Variants in CYP1A1 observed in about 807,000 individuals in gnomAD.
CYP1A1 encodes the protein cytochrome P450 1A1.
Under a neutral mutation model 33.6 loss-of-function variants are expected in CYP1A1, and 43 were observed. The observed-to-expected ratio is 1.28, with a 90% CI of 1.00 to 1.65. The LOEUF (loss-of-function observed/expected upper bound fraction) is 1.65, where lower values mean the gene tolerates loss of function less well. Ranked by LOEUF, CYP1A1 falls within the 40% of genes most tolerant of loss-of-function variation. The pLI is 0.00. For missense variants in CYP1A1, 637 were observed against 653.7 expected, an observed-to-expected ratio of 0.97 and a Z score of 0.28; for synonymous variants, 280 against 257.8, an observed-to-expected ratio of 1.09 and a Z score of -0.83.
At chr15:74,720,864 G>A in intron 6 of CYP1A1, 90 bp from the exon 7 acceptor site, 1 of 1,564,764 alleles carries the variant, frequency 6.4e-7, no homozygotes, top group Non-Finnish European at 8.7e-7. Context: ...TAGAGGACAG[G>A]CAAGCAGCCC....
rs1223464729 is a variant in CYP1A1 at position 74,722,378 on chromosome 15, A to G, written c.720T>C (p.Leu240=). 2 of 1,614,036 alleles carry G rather than the reference A, an allele frequency of 1.2e-6. No homozygotes were observed. Among genetic ancestry groups the G allele is most frequent in the Admixed American group, 3.3e-5 (2 of 59,990 alleles). ...SGNPADFIPI[L]RYLPNPSLNA... ...TCAGGGAAGGGTTGGGTAGGTAGCG[A>G]AGAATAGGGATGAAGTCAGCTGGGT... The change falls in exon 2 of 7, where the codon CTT becomes CTC. Residue 240 remains leucine, a synonymous_variant. Transcript: ENST00000379727.
chr15:74,722,909 C>T lies in CYP1A1; in HGVS notation c.189G>A (p.Leu63=). ...CCCCATACTGCTGGCTCATCCTTGA[C>T]AGTGCCAGGTGCGGGTTCTTTCCCA... ...LTLGKNPHLA[L]SRMSQQYGDV... The change falls in exon 2 of 7, where the codon CTG becomes CTA. Residue 63 remains leucine, a synonymous_variant. Transcript: ENST00000379727. 5 of 1,614,188 alleles carry T rather than the reference C, an allele frequency of 3.1e-6. No individual in the cohort carries two copies. The highest frequency in any genetic ancestry group is 4.2e-6 in the Non-Finnish European group (5 of 1,180,034).
In CYP1A1 at chr15:74,721,279, T is replaced by A. The variant is rs765383478; in HGVS notation, c.1086A>T (p.Arg362Ser). ...AGGCCTCCATATAGGGCAGATGGGA[T>A]CTGTCAGAGAGCCGGGGCCGCCGTG... ...GRSRRPRLSD[R>S]SHLPYMEAFI... Residue 362 changes from arginine (R) to serine (S), a missense_variant, in exon 5 of 7, where the codon AGA becomes AGT. By Grantham distance (110) the Arg-to-Ser change is moderately radical. Transcript: ENST00000379727. 2 of 1,613,720 alleles carry A rather than the reference T, an allele frequency of 1.2e-6. No individual in the cohort carries two copies. The highest frequency in any genetic ancestry group is 1.7e-6 in the Non-Finnish European group (2 of 1,179,856).
rs762876189 is a variant in CYP1A1, at chr15:74,720,976, T to A, written c.1244A>T (p.Asn415Ile). 1.2e-6 allele frequency: 2 copies of A among 1,614,160 alleles called. No homozygotes were observed. Among genetic ancestry groups the A allele is most frequent in the East Asian group, 4.5e-5 (2 of 44,884 alleles). Residue 415 changes from asparagine (N) to isoleucine (I), a missense_variant, in exon 6 of 7, where the codon AAC becomes ATC. Transcript: ENST00000379727. ...GCATCTCTGAACTTACTGGTCATGG[T>A]TGATCTGCCACTGGTTTACAAAGAC... ...RCVFVNQWQI[N>I]HDQKLWVNPS...
chr15:74,721,347 A>G (rs371317645), intron 4 of CYP1A1, 25 bp from the exon 5 acceptor site: 25 of 1,613,758 alleles, frequency 1.5e-5, no homozygotes, highest in Non-Finnish European at 1.9e-5. Flanking sequence ...GACAAGATGG[A>G]TGCAGGGGCT....
rs2063154932 is a variant in CYP1A1, at chr15:74,719,914, CCTGCCTGCAGGA to C, written c.*563_*574del. ...AGGCCAGAAGGCAGCCCTGTTTGTT[CCTGCCTGCAGGA>C]AGGGCAGAGGAATGTGATGTTCCCA... is the stretch of plus-strand genomic sequence containing the variant. On this transcript the variant is annotated 3_prime_UTR_variant, in exon 7 of 7. Transcript: ENST00000379727. 2 of 152,380 alleles carry C rather than the reference CCTGCCTGCAGGA, an allele frequency of 1.3e-5. No homozygotes were observed. The highest frequency in any genetic ancestry group is 2.9e-5 in the Non-Finnish European group (2 of 68,206). 9.4% of individuals were successfully genotyped at this position (152,380 alleles called of 1,614,324 possible). A position where few individuals can be genotyped will look rare whatever the true frequency, so the allele number is the denominator to read the frequency against.
At chr15:74,723,961 C>G (rs34445263) in intron 1 of CYP1A1, among the ~76,000 whole-genome samples, 2,260 of 152,320 alleles carry the variant, frequency 0.015, 53 homozygotes, top group African/African-American at 0.052. Context: ...CCAGGACAGA[C>G]TGAGGAAGAG....
chr15:74,721,863 C>T, intron 2 of CYP1A1, 146 bp from the exon 3 acceptor site: 1 of 1,019,070 alleles, frequency 9.8e-7, no homozygotes, highest in South Asian at 1.6e-5. Context: ...TCTGCCTCTG[C>T]AAGGCTCTCT....
rs1380427518 is a variant in CYP1A1 at position 74,721,043 on chromosome 15, C to T, written c.1177G>A (p.Asp393Asn). The T allele has an allele frequency of 6.2e-7, 1 of 1,614,034 alleles. No homozygotes were observed. The highest frequency in any genetic ancestry group is 8.5e-7 in the Non-Finnish European group (1 of 1,180,032). Residue 393 changes from aspartate to asparagine, a missense_variant, in exon 6 of 7, where the codon GAC becomes AAC. Asp to Asn is a conservative substitution (Grantham distance 23). Coordinates refer to ENST00000379727, the MANE Select transcript of CYP1A1 (RefSeq NM_001319217.2). ...PFTIPHSTTR[D>N]TSLKGFYIPK... is the part of the protein sequence containing the mutation. The stretch of plus-strand genomic sequence containing the variant: ...ATGTAAAAGCCTTTCAAACTTGTGT[C>T]TCTTGTTGTGCTAGGGAGAAAGGAA...
In CYP1A1 at chr15:74,722,445, A is replaced by T; in HGVS notation, c.653T>A (p.Val218Asp). 6.2e-7 allele frequency: 1 copy of T among 1,614,012 alleles called. No individual in the cohort carries two copies. The highest frequency in any genetic ancestry group is 8.5e-7 in the Non-Finnish European group (1 of 1,179,992). Reference sequence around the variant, plus strand: ...CTCCCCGAAATTATTATTCAGGTTGACTAGGCTAAGCAGTTCTTGGTGGTT... The same window carrying T: ...CTCCCCGAAATTATTATTCAGGTTGTCTAGGCTAAGCAGTTCTTGGTGGTT... ...DHNHQELLSL[V>D]NLNNNFGEVV... The change falls in exon 2 of 7, where the codon GTC becomes GAC. Residue 218 changes from valine to aspartate, a missense_variant. By Grantham distance (152) the Val-to-Asp change is radical (BLOSUM62 -3). Transcript: ENST00000379727.
At chr15:74,722,121 G>A in intron 2 of CYP1A1, 152 bp downstream of exon 2, 1 of 653,452 alleles carries the variant, frequency 1.5e-6, no homozygotes, top group Non-Finnish European at 2.7e-6. Context: ...TCCCTGCCAA[G>A]GAAGAAGACT....
In CYP1A1 at chr15:74,720,573, G is replaced by C. The variant is rs766602533; in HGVS notation, c.1455C>G (p.Gly485=). The C allele has an allele frequency of 1.9e-6, 3 of 1,613,214 alleles. No homozygotes were observed. In the South Asian group the frequency reaches 3.3e-5, roughly 18 times the overall value. Residue 485 remains glycine (G), a synonymous_variant, in exon 7 of 7, where the codon GGC becomes GGG. Transcript: ENST00000379727. The part of the protein sequence containing the change: ...LQRVEFSVPL[G]VKVDMTPIYG... ...AGATGGGGGTCATGTCCACCTTCAC[G>C]CCCAGTGGCACGCTGAATTCCACCC...
chr15:74,722,578 ACG>A lies in CYP1A1; in HGVS notation c.518_519del (p.Thr173IlefsTer12). The A allele has an allele frequency of 6.2e-7, 1 of 1,614,174 alleles. No individual in the cohort carries two copies. The highest frequency in any genetic ancestry group is 8.5e-7 in the Non-Finnish European group (1 of 1,180,042). On this transcript the variant is annotated frameshift_variant, in exon 2 of 7. Transcript: ENST00000379727. LOFTEE classifies it high-confidence loss of function. ...VSKEAEVLIS[T>X]LQELMAGPGH... ...CCAGGCCCTGCCATCAGCTCCTGCAACGTGCTTATCAGGACCTCAGCCTCCTT... is the reference window on the plus strand; with the variant it reads ...CCAGGCCCTGCCATCAGCTCCTGCAATGCTTATCAGGACCTCAGCCTCCTT...
In CYP1A1 at chr15:74,721,483, C is replaced by T; in HGVS notation, c.973G>A (p.Ala325Thr). 1 of 1,614,218 alleles carries T rather than the reference C, an allele frequency of 6.2e-7. No homozygotes were observed. The highest frequency in any genetic ancestry group is 8.5e-7 in the Non-Finnish European group (1 of 1,180,034). ...AAATACATGAGGCTCCAGGAGATAG[C>T]AGTTGTGACTGTGTCAAACCCTGGA... is the stretch of plus-strand genomic sequence containing the variant. The part of the protein sequence containing the change: ...FGAGFDTVTT[A>T]ISWSLMYLVM... The change falls in exon 4 of 7, where the codon GCT becomes ACT. Residue 325 changes from alanine (A) to threonine (T), a missense_variant. Ala to Thr is a moderately conservative substitution (Grantham distance 58). Coordinates refer to ENST00000379727, the MANE Select transcript of CYP1A1 (RefSeq NM_001319217.2).
chr15:74,721,208 A>G lies in CYP1A1; in HGVS notation c.1157T>C (p.Ile386Thr). 3 of 1,612,126 alleles carry G rather than the reference A, an allele frequency of 1.9e-6. No homozygotes were observed. Among genetic ancestry groups the G allele is most frequent in the Non-Finnish European group, 2.5e-6 (3 of 1,178,990 alleles). Reference protein sequence around the residue: ...FRHSSFVPFTIPHSTTRDTSL... With the variant: ...FRHSSFVPFTTPHSTTRDTSL... ...CTCCATGGGGCCTTACCTGTGGGGG[A>G]TGGTGAAGGGGACGAAGGAAGAGTG... Residue 386 changes from isoleucine (I) to threonine (T), a missense_variant, in exon 5 of 7, where the codon ATC becomes ACC. Transcript: ENST00000379727.
At chr15:74,723,278 A>T (rs1261801231) in intron 1 of CYP1A1, among the ~76,000 whole-genome samples, 152 bp from the exon 2 acceptor site, 1 of 152,108 alleles carries the variant, frequency 6.6e-6, no homozygotes, top group Non-Finnish European at 1.5e-5. Flanking sequence ...AAGTTGTTGA[A>T]CTACCACTGT....
rs770718854 is a variant in CYP1A1, at chr15:74,722,363, G to T, written c.735C>A (p.Asn245Lys). 2 of 1,614,112 alleles carry T rather than the reference G, an allele frequency of 1.2e-6. No individual in the cohort carries two copies. Among genetic ancestry groups the T allele is most frequent in the Non-Finnish European group, 8.5e-7 (1 of 1,180,024 alleles). The change falls in exon 2 of 7, where the codon AAC (asparagine) becomes AAA (lysine). Residue 245 changes from asparagine (N) to lysine (K), a missense_variant. Physicochemically the swap from Asn to Lys is moderately conservative, Grantham distance 94. Transcript: ENST00000379727. ...DFIPILRYLP[N>K]PSLNAFKDLN... is the part of the protein sequence containing the mutation. ...GGTCCTTGAAGGCATTCAGGGAAGG[G>T]TTGGGTAGGTAGCGAAGAATAGGGA...
rs746521944 is a variant in CYP1A1 at position 74,722,441 on chromosome 15, G to T, written c.657C>A (p.Asn219Lys). The T allele has an allele frequency of 5.0e-6, 8 of 1,613,952 alleles. No individual in the cohort carries two copies. Among genetic ancestry groups the T allele is most frequent in the Non-Finnish European group, 5.9e-6 (7 of 1,180,012 alleles). The change falls in exon 2 of 7, where the codon AAC becomes AAA. Residue 219 changes from asparagine (N) to lysine (K), a missense_variant. Coordinates refer to ENST00000379727, the MANE Select transcript of CYP1A1 (RefSeq NM_001319217.2). Reference protein sequence around the residue: ...HNHQELLSLVNLNNNFGEVVG... With the variant: ...HNHQELLSLVKLNNNFGEVVG... ...CCACCTCCCCGAAATTATTATTCAGGTTGACTAGGCTAAGCAGTTCTTGGT... is the reference window on the plus strand; with the variant it reads ...CCACCTCCCCGAAATTATTATTCAGTTTGACTAGGCTAAGCAGTTCTTGGT...
rs143070677 is a variant in CYP1A1, at chr15:74,722,914, C to G, written c.184G>C (p.Ala62Pro). 2.6e-4 allele frequency: 427 copies of G among 1,614,132 alleles called. 3 individuals carry two copies. In the East Asian group the frequency reaches 9.4e-3, roughly 35 times the overall value. The change falls in exon 2 of 7, where the codon GCA (alanine) becomes CCA (proline). Residue 62 changes from alanine to proline, a missense_variant. Ala to Pro is a conservative substitution (Grantham distance 27). Coordinates refer to ENST00000379727, the MANE Select transcript of CYP1A1 (RefSeq NM_001319217.2). ...TACTGCTGGCTCATCCTTGACAGTG[C>G]CAGGTGCGGGTTCTTTCCCAGGGTC... ...MLTLGKNPHLALSRMSQQYGD... is the reference protein window; with the variant it reads ...MLTLGKNPHLPLSRMSQQYGD...
Sources: allele counts gnomAD v4.1 joint callset (sites outside exome capture counted in the v4.1 genomes callset), GRCh38; gene constraint gnomAD v4.1.1; transcripts MANE v1.5; gene names NCBI Gene and HGNC (gene_info 2026-07-23, HGNC 2026-07-21).